Variants in PDE6C observed in about 807,000 individuals in gnomAD.
PDE6C encodes cone cGMP-specific 3',5'-cyclic phosphodiesterase subunit alpha'.
PDE6C carries 75 observed loss-of-function variants against 113.1 expected under a neutral mutation model. The ratio of observed to expected loss-of-function variants is 0.66; its 90% confidence interval spans 0.55 to 0.80. The LOEUF (loss-of-function observed/expected upper bound fraction) is 0.80, where lower values mean the gene tolerates loss of function less well. PDE6C is among the 30% of genes least tolerant of loss of function. The pLI is 0.00. For missense variants in PDE6C, 912 were observed against 1,038.6 expected (o/e 0.88, Z 1.67); for synonymous variants, 375 against 363.7 (o/e 1.03, Z -0.35).
rs199926911 is a variant in PDE6C at position 93,622,008 on chromosome 10, C to G, written c.800C>G (p.Thr267Arg). 2 of 1,613,694 alleles carry G rather than the reference C, an allele frequency of 1.2e-6. No homozygotes were observed. The highest frequency in any genetic ancestry group is 1.7e-6 in the Non-Finnish European group (2 of 1,179,646). The change falls in exon 4 of 22, where the codon ACG (threonine) becomes AGG (arginine). Residue 267 changes from threonine (T) to arginine (R), a missense_variant. Coordinates refer to ENST00000371447, the MANE Select transcript of PDE6C (RefSeq NM_006204.4). ...VERQFHKALYTVRSYLNCERY... is the reference protein window; with the variant it reads ...VERQFHKALYRVRSYLNCERY... ...CGACAGTTTCACAAAGCGCTCTACACGGTTAGATCATATCTGAACTGTGAA... is the reference window on the plus strand; with the variant it reads ...CGACAGTTTCACAAAGCGCTCTACAGGGTTAGATCATATCTGAACTGTGAA...
chr10:93,655,041 C>G (rs1589704400), intron 15 of PDE6C, among the ~76,000 whole-genome samples: 2 of 151,924 alleles, frequency 1.3e-5, no homozygotes, highest in East Asian at 3.9e-4. Context: ...GTCTTGAACT[C>G]CTGAGCTCAA....
At chr10:93,628,875 G>GGAAGAA (rs146137571) in intron 7 of PDE6C, among the ~76,000 whole-genome samples, 1 of 152,010 alleles carries the variant, frequency 6.6e-6, no homozygotes, top group Non-Finnish European at 1.5e-5. Context: ...TCTCACTTTA[G>GGAAGAA]GAAGAAGAAG....
chr10:93,659,754 T>G (rs930327240), intron 18 of PDE6C, among the ~76,000 whole-genome samples: 5 of 152,230 alleles, frequency 3.3e-5, no homozygotes, highest in Admixed American at 6.5e-5. Context: ...TTGGGAATTA[T>G]GGGAACTACA....
rs1450917611 is a variant in PDE6C, at chr10:93,663,255, TAAAG to T, written c.2518+79_2518+82del. 8.5e-6 allele frequency: 12 copies of T among 1,412,140 alleles called. 1 individual carries two copies. In the Middle Eastern group the frequency reaches 6.1e-4, roughly 72 times the overall value. The allele number at this position is 1,412,140 out of a possible 1,614,324, so 87.5% of individuals were successfully genotyped here. A position where few individuals can be genotyped will look rare whatever the true frequency, so the allele number is the denominator to read the frequency against. On this transcript the variant is annotated intron_variant, in intron 21 of 21. Transcript: ENST00000371447. ...AGCTTAATGGCATGTGACAAAGCCA[TAAAG>T]AGTCACCACAAACAGAAAACCTGCT...
At chr10:93,625,258 G>A (rs2058468096) in intron 4 of PDE6C, among the ~76,000 whole-genome samples, 1 of 152,206 alleles carries the variant, frequency 6.6e-6, no homozygotes, top group Admixed American at 6.5e-5. Flanking sequence ...AATTGTCTAT[G>A]AAAGAATTGC....
intron 14 of PDE6C, among the ~76,000 whole-genome samples, chr10:93,644,848 A>ATATAGTATATT (rs1191586855): frequency 1.5e-4 from 20 of 129,360 alleles, no homozygotes; most frequent in Non-Finnish European, 1.6e-4. Flanking sequence ...TATAGTACAT[A>ATATAGTATATT]TATATAGTGT....
intron 14 of PDE6C, among the ~76,000 whole-genome samples, chr10:93,641,891 G>A (rs182156534): frequency 7.9e-5 from 12 of 152,284 alleles, no homozygotes; most frequent in African/African-American, 2.2e-4. Flanking sequence ...CAAGCTCTGG[G>A]CTCAGGCAGA....
chr10:93,647,185 G>T (rs2133870577), intron 15 of PDE6C, among the ~76,000 whole-genome samples: 1 of 152,264 alleles, frequency 6.6e-6, no homozygotes, highest in African/African-American at 2.4e-5. Context: ...AACCAAAAAT[G>T]ATTAAGGTGA....
intron 5 of PDE6C, 42 bp from the exon 6 acceptor site, chr10:93,626,598 G>T: frequency 3.5e-6 from 4 of 1,142,548 alleles, no homozygotes; most frequent in South Asian, 1.3e-5. Flanking sequence ...TGATTTCTTT[G>T]GGAAATAACA....
intron 15 of PDE6C, among the ~76,000 whole-genome samples, chr10:93,646,446 C>T (rs1330276261): frequency 1.3e-5 from 2 of 152,140 alleles, no homozygotes; most frequent in African/African-American, 4.8e-5. Flanking sequence ...GTCAAGCTTT[C>T]ATAGTGGAGT....
intron 15 of PDE6C, among the ~76,000 whole-genome samples, chr10:93,654,778 C>CT (rs752229142): frequency 0.063 from 3,779 of 60,352 alleles, 180 homozygotes; most frequent in Middle Eastern, 0.14. Flanking sequence ...TTCTTTCTTT[C>CT]TTTCTTTCTT....
chr10:93,662,936 T>C, intron 20 of PDE6C, 92 bp from the exon 21 acceptor site: 27 of 1,165,716 alleles, frequency 2.3e-5, no homozygotes, highest in Non-Finnish European at 3.3e-5. Context: ...CTGAGTGCTG[T>C]AACAATTCCT....
intron 19 of PDE6C, 102 bp downstream of exon 19, chr10:93,662,235 T>G (rs1051022284): frequency 1.3e-6 from 1 of 783,896 alleles, no homozygotes; most frequent in Non-Finnish European, 2.3e-6. Context: ...GAGGCTGAGG[T>G]GGGCAGATCA....
intron 14 of PDE6C, among the ~76,000 whole-genome samples, chr10:93,643,384 T>C (rs2058568648): frequency 6.6e-6 from 1 of 152,090 alleles, no homozygotes. Flanking sequence ...TCTGTGTGTG[T>C]ATATAAATAA....
intron 1 of PDE6C, 60 bp from the exon 2 acceptor site, chr10:93,620,572 C>T (rs568957439): frequency 6.5e-7 from 1 of 1,533,804 alleles, no homozygotes; most frequent in East Asian, 2.2e-5. Flanking sequence ...GTCATCATCC[C>T]TAGATCTACC....
intron 1 of PDE6C, among the ~76,000 whole-genome samples, chr10:93,620,183 A>G (rs1462684563): frequency 2.0e-5 from 3 of 152,158 alleles, no homozygotes; most frequent in Non-Finnish European, 2.9e-5. Flanking sequence ...GCTTTATGTT[A>G]TGACATATGG....
At position 93,639,613 on chromosome 10, in the gene PDE6C, G is replaced by A. The variant is rs2058549572; in HGVS notation, c.1483-457G>A. 2.6e-5 allele frequency among the ~76,000 whole-genome samples: 4 copies of A among 152,190 alleles called. No homozygotes were observed. In the South Asian group the frequency reaches 8.3e-4, roughly 32 times the overall value. On this transcript the variant is annotated intron_variant, in intron 11 of 21. Transcript: ENST00000371447. ...TAAGCAGATGATCCCCACCCTCGGG[G>A]AGCTCACATTCTAGTGGGAAACTGT...
chr10:93,628,516 TG>T (rs756528958), intron 7 of PDE6C, among the ~76,000 whole-genome samples: 6 of 152,012 alleles, frequency 3.9e-5, no homozygotes, highest in Non-Finnish European at 8.8e-5. Flanking sequence ...ACCCAGGAGG[TG>T]GAGGTTGCAG....
At position 93,613,202 on chromosome 10, in the gene PDE6C, A is replaced by G; in HGVS notation, c.477A>G (p.Lys159=). The part of the protein sequence containing the change: ...TKKTHNVPDV[K]KNSHFSDFMD... ...AAACTCATAATGTCCCAGATGTGAA[A>G]AAGGTAGGTGGCCTTATGACAGTGG... Residue 159 remains lysine (K), a synonymous_variant, in exon 1 of 22, where the codon AAA becomes AAG. Coordinates refer to ENST00000371447, the MANE Select transcript of PDE6C (RefSeq NM_006204.4). The G allele has an allele frequency of 6.2e-7, 1 of 1,613,616 alleles. No individual in the cohort carries two copies. Among genetic ancestry groups the G allele is most frequent in the Non-Finnish European group, 8.5e-7 (1 of 1,180,030 alleles).
Sources: allele counts gnomAD v4.1 joint callset (sites outside exome capture counted in the v4.1 genomes callset), GRCh38; gene constraint gnomAD v4.1.1; transcripts MANE v1.5; gene names NCBI Gene and HGNC (gene_info 2026-07-23, HGNC 2026-07-21).